Variants in PDS5B observed in about 807,000 individuals in gnomAD.
PDS5B encodes the protein sister chromatid cohesion protein PDS5 homolog B.
PDS5B carries 51 observed loss-of-function variants against 184.1 expected under a neutral mutation model. The ratio of observed to expected loss-of-function variants is 0.28; its 90% CI spans 0.22 to 0.35. The LOEUF (loss-of-function observed/expected upper bound fraction) is 0.35, where lower values mean the gene tolerates loss of function less well. Among genes scored for constraint, PDS5B ranks in the 10% least tolerant of loss-of-function variants. The pLI is 1.00. For missense variants in PDS5B, 1,180 were observed against 1,723.3 expected (o/e 0.68, Z 5.58); for synonymous variants, 566 against 569.2 (o/e 0.99, Z 0.08).
intron 29 of PDS5B, among the ~76,000 whole-genome samples, chr13:32,759,913 G>C (rs1433862251): frequency 6.6e-6 from 1 of 151,810 alleles, no homozygotes; most frequent in African/African-American, 2.4e-5. Context: ...AGTCCTAGGA[G>C]ACCTGATTCT....
rs553910465 is a variant in PDS5B, at chr13:32,593,720, A to G, written c.-20+7127A>G. 9.8e-5 allele frequency among the ~76,000 whole-genome samples: 15 copies of G among 152,326 alleles called. No homozygotes were observed. In the East Asian group the frequency reaches 2.7e-3, roughly 27 times the overall value. On this transcript the variant is annotated intron_variant, in intron 1 of 34. Coordinates refer to ENST00000315596, the MANE Select transcript of PDS5B (RefSeq NM_015032.4). ...TATAAGGAAGGAAAATATATTTGCTATTCATTAAGTGGAAGTGGATCATCG... is the reference window on the plus strand; with the variant it reads ...TATAAGGAAGGAAAATATATTTGCTGTTCATTAAGTGGAAGTGGATCATCG...
At chr13:32,683,530 G>T (rs1951306062) in intron 10 of PDS5B, among the ~76,000 whole-genome samples, 1 of 151,418 alleles carries the variant, frequency 6.6e-6, no homozygotes, top group African/African-American at 2.4e-5. Flanking sequence ...GTGTTGGTCA[G>T]GCTGGTCTTG....
At chr13:32,618,568 C>G (rs532939805) in intron 1 of PDS5B, among the ~76,000 whole-genome samples, 1 of 152,138 alleles carries the variant, frequency 6.6e-6, no homozygotes, top group Non-Finnish European at 1.5e-5. Context: ...TGGGCATCCA[C>G]TGGTGGTCCT....
chr13:32,624,546 T>G (rs1343375730), intron 1 of PDS5B, among the ~76,000 whole-genome samples: 2 of 152,222 alleles, frequency 1.3e-5, no homozygotes, highest in East Asian at 1.9e-4. Context: ...AGTTTAAACA[T>G]TCATATTTTG....
chr13:32,775,185 A>C lies in PDS5B; in HGVS notation c.*133A>C. 1.4e-6 allele frequency: 1 copy of C among 717,982 alleles called. No individual in the cohort carries two copies. The highest frequency in any genetic ancestry group is 2.7e-5 in the East Asian group (1 of 36,720). The allele number at this position is 717,982 out of a possible 1,614,324, so 44.5% of individuals were successfully genotyped here. A position where few individuals can be genotyped will look rare whatever the true frequency, so the allele number is the denominator to read the frequency against. ...GCTGAAGAGTGGACAGTTGGACCTT[A>C]CTTTGGTGACCCCATACATTTGTGG... On this transcript the variant is annotated 3_prime_UTR_variant, in exon 35 of 35. Transcript: ENST00000315596.
At chr13:32,635,341 C>CT (rs576811097) in intron 1 of PDS5B, among the ~76,000 whole-genome samples, 35,606 of 103,794 alleles carry the variant, frequency 0.34, 6,884 homozygotes, top group Non-Finnish European at 0.41. Flanking sequence ...CCTGGCCTGT[C>CT]TTTTTTTTTT....
intron 1 of PDS5B, among the ~76,000 whole-genome samples, chr13:32,619,661 A>G (rs2183875): frequency 6.6e-6 from 1 of 152,198 alleles, no homozygotes; most frequent in Non-Finnish European, 1.5e-5. Context: ...TTATGATGTC[A>G]CAAGATGATA....
At chr13:32,622,872 A>C (rs1269105350) in intron 1 of PDS5B, among the ~76,000 whole-genome samples, 1 of 152,148 alleles carries the variant, frequency 6.6e-6, no homozygotes, top group Non-Finnish European at 1.5e-5. Flanking sequence ...CACAGAAAAA[A>C]CCAATATGCT....
At chr13:32,711,141 C>T (rs145042043) in intron 19 of PDS5B, among the ~76,000 whole-genome samples, 66 of 151,600 alleles carry the variant, frequency 4.4e-4, no homozygotes, top group East Asian at 1.8e-3. Flanking sequence ...TACAGGCACA[C>T]GCCCCCATGC....
In PDS5B at chr13:32,735,292, G is replaced by A; in HGVS notation, c.2368G>A (p.Ala790Thr). 1 of 1,611,756 alleles carries A rather than the reference G, an allele frequency of 6.2e-7. No individual in the cohort carries two copies. Among genetic ancestry groups the A allele is most frequent in the African/African-American group, 1.3e-5 (1 of 74,908 alleles). The change falls in exon 21 of 35, where the codon GCT (alanine) becomes ACT (threonine). Residue 790 changes from alanine to threonine, a missense_variant. Coordinates refer to ENST00000315596, the MANE Select transcript of PDS5B (RefSeq NM_015032.4). ...TGCTGCTCCTTTGAAATCTTTGGTA[G>A]CTACTTTCATTGTGAAAGATCTTCT... Reference protein sequence around the residue: ...QFAAPLKSLVATFIVKDLLMN... With the variant: ...QFAAPLKSLVTTFIVKDLLMN...
chr13:32,598,229 C>T (rs538142046), intron 1 of PDS5B, among the ~76,000 whole-genome samples: 6 of 151,932 alleles, frequency 3.9e-5, no homozygotes, highest in East Asian at 1.9e-4. Flanking sequence ...CCCGCCACCA[C>T]GCCCAGCAAA....
In PDS5B at chr13:32,770,477, GGAA is replaced by G. The variant is rs761948330; in HGVS notation, c.3991_3993del (p.Glu1331del). On this transcript the variant is annotated inframe_deletion, in exon 32 of 35. Coordinates refer to ENST00000315596, the MANE Select transcript of PDS5B (RefSeq NM_015032.4). ...CTGGACCTCCAGCACCAGAGGAGGA[GGAA>G]GAAGAAGAAAGACAAAGTGGAAATA... 11 of 1,612,062 alleles carry G rather than the reference GGAA, an allele frequency of 6.8e-6. No homozygotes were observed. The highest frequency in any genetic ancestry group is 1.6e-4 in the Middle Eastern group (1 of 6,072).
chr13:32,627,637 G>C (rs920583912), intron 1 of PDS5B, among the ~76,000 whole-genome samples: 1 of 152,074 alleles, frequency 6.6e-6, no homozygotes, highest in South Asian at 2.1e-4. Flanking sequence ...AAATTAATTT[G>C]CAAATTAGTA....
At chr13:32,635,833 A>C (rs961847749) in intron 1 of PDS5B, among the ~76,000 whole-genome samples, 4 of 139,278 alleles carry the variant, frequency 2.9e-5, no homozygotes, top group Non-Finnish European at 6.0e-5. Flanking sequence ...CAGTGGTGCT[A>C]TCTCGGCTCA....
At chr13:32,631,338 C>T (rs1393650823) in intron 1 of PDS5B, among the ~76,000 whole-genome samples, 3 of 152,132 alleles carry the variant, frequency 2.0e-5, no homozygotes, top group African/African-American at 7.2e-5. Flanking sequence ...AGCAGTCCAC[C>T]TGCCTTGACC....
intron 1 of PDS5B, among the ~76,000 whole-genome samples, chr13:32,601,054 A>C (rs555062116): frequency 1.3e-5 from 2 of 152,170 alleles, no homozygotes; most frequent in African/African-American, 4.8e-5. Flanking sequence ...CTTGAGCTCT[A>C]TCTGCCCTAT....
intron 1 of PDS5B, among the ~76,000 whole-genome samples, chr13:32,611,454 A>G (rs2058140128): frequency 6.6e-6 from 1 of 151,444 alleles, no homozygotes; most frequent in South Asian, 2.1e-4. Context: ...GTAATTGTTA[A>G]AACAGTTTCT....
At chr13:32,635,665 G>A (rs527347446) in intron 1 of PDS5B, among the ~76,000 whole-genome samples, 1 of 150,588 alleles carries the variant, frequency 6.6e-6, no homozygotes, top group Non-Finnish European at 1.5e-5. Context: ...TAGTGCCATT[G>A]TAGTCGCCTA....
intron 6 of PDS5B, among the ~76,000 whole-genome samples, chr13:32,667,145 T>C (rs555602741): frequency 1.3e-4 from 20 of 152,318 alleles, no homozygotes; most frequent in African/African-American, 4.6e-4. Flanking sequence ...ACTGGGGTAG[T>C]GACTCCATTT....
Sources: gnomAD v4.1 joint callset for allele counts (sites outside exome capture counted in the v4.1 genomes callset) on GRCh38, gnomAD v4.1.1 for gene constraint, MANE v1.5 for transcripts, NCBI Gene and HGNC (gene_info 2026-07-23, HGNC 2026-07-21) for gene names.